USP15: variants seen among roughly 807,000 people sequenced by gnomAD.
USP15 encodes the protein ubiquitin specific peptidase 15.
A neutral mutation model predicts 127.1 loss-of-function variants in USP15; 18 were observed. The ratio of observed to expected loss-of-function variants is 0.14; its 90% CI spans 0.10 to 0.21. USP15 has a LOEUF of 0.21. Ranked by LOEUF, USP15 falls within the 10% of genes least tolerant of loss-of-function variation. The pLI is 1.00. For synonymous variants in USP15, 364 were observed against 393.7 expected (o/e 0.92, Z 0.89); for missense variants, 805 against 1,159.9 (o/e 0.69, Z 4.44).
intron 8 of USP15, among the ~76,000 whole-genome samples, chr12:62,370,947 A>G (rs2066645325): frequency 6.6e-6 from 1 of 152,330 alleles, no homozygotes; most frequent in East Asian, 1.9e-4. Flanking sequence ...AGTCCTGTTC[A>G]TTCTACTTCT....
intron 11 of USP15, among the ~76,000 whole-genome samples, chr12:62,385,674 A>AT (rs2067126258): frequency 6.6e-6 from 1 of 151,962 alleles, no homozygotes; most frequent in Non-Finnish European, 1.5e-5. Flanking sequence ...ATGTGTTCAC[A>AT]TTTTTAAAGT....
rs965071919 is a variant in USP15 at position 62,406,403 on chromosome 12, A to C, written c.*2028A>C. The C allele has an allele frequency of 6.6e-6, 1 of 152,194 alleles. No individual in the cohort carries two copies. The highest frequency in any genetic ancestry group is 2.4e-5 in the African/African-American group (1 of 41,458). 9.4% of individuals were successfully genotyped at this position (152,194 alleles called of 1,614,324 possible). A position where few individuals can be genotyped will look rare whatever the true frequency, so the allele number is the denominator to read the frequency against. On this transcript the variant is annotated 3_prime_UTR_variant, in exon 22 of 22. Transcript: ENST00000280377. ...TCACAGAGCTTACATTCTTTCTGCC[A>C]TCTACCAACTAATGAACTATATTTC...
chr12:62,301,674 C>G (rs924552290), intron 2 of USP15, among the ~76,000 whole-genome samples: 1 of 152,120 alleles, frequency 6.6e-6, no homozygotes, highest in Non-Finnish European at 1.5e-5. Context: ...ATGTACAAGT[C>G]TAGAAAATGC....
chr12:62,375,599 A>G (rs1334984654), intron 8 of USP15, among the ~76,000 whole-genome samples: 1 of 152,174 alleles, frequency 6.6e-6, no homozygotes, highest in Non-Finnish European at 1.5e-5. Context: ...CTTGATACAC[A>G]GAGGAAGATA....
rs1189976097 is a variant in USP15, at chr12:62,401,191, T to A, written c.2679T>A (p.Thr893=). Residue 893 remains threonine (T), a synonymous_variant, in exon 21 of 22, where the codon ACT becomes ACA. Coordinates refer to ENST00000280377, the MANE Select transcript of USP15 (RefSeq NM_001252078.2). ...HYGGMGGGHY[T]AFAKNKDDGK... is the part of the protein sequence containing the mutation. ...TGATTATATTTTTTTCATTAGATAC[T>A]GCTTTTGCAAAAAATAAAGATGATG... 1 of 1,610,176 alleles carries A rather than the reference T, an allele frequency of 6.2e-7. No individual in the cohort carries two copies. Among genetic ancestry groups the A allele is most frequent in the Non-Finnish European group, 8.5e-7 (1 of 1,177,874 alleles).
chr12:62,282,481 C>A (rs1282511570), intron 1 of USP15, among the ~76,000 whole-genome samples: 4 of 152,028 alleles, frequency 2.6e-5, no homozygotes, highest in Admixed American at 2.6e-4. Flanking sequence ...CTGTACTTAC[C>A]CTTTTTGTAA....
At chr12:62,333,655 A>C (rs1457541149) in intron 6 of USP15, among the ~76,000 whole-genome samples, 1 of 151,930 alleles carries the variant, frequency 6.6e-6, no homozygotes, top group East Asian at 1.9e-4. Flanking sequence ...TTATGTTGTT[A>C]TTCTCATTAA....
In USP15 at chr12:62,407,247, A is replaced by G. The variant is rs1181271320; in HGVS notation, c.*2872A>G. 5 of 152,214 alleles carry G rather than the reference A, an allele frequency of 3.3e-5. No individual in the cohort carries two copies. Among genetic ancestry groups the G allele is most frequent in the Non-Finnish European group, 7.3e-5 (5 of 68,032 alleles). 9.4% of individuals were successfully genotyped at this position (152,214 alleles called of 1,614,324 possible). The stretch of plus-strand genomic sequence containing the variant: ...TCCCCATTTTTCATATGAAGAAACC[A>G]AGATACAAAGCATTTAAGTAATATT... On this transcript the variant is annotated 3_prime_UTR_variant, in exon 22 of 22. Coordinates refer to ENST00000280377, the MANE Select transcript of USP15 (RefSeq NM_001252078.2).
At chr12:62,265,182 T>G (rs1204344168) in intron 1 of USP15, among the ~76,000 whole-genome samples, 1 of 152,224 alleles carries the variant, frequency 6.6e-6, no homozygotes, top group Non-Finnish European at 1.5e-5. Context: ...TTTCCTAAAT[T>G]ATACCATTTT....
Position 62,409,691 on chromosome 12 carries a change from A to G in USP15, c.*5316A>G, listed in dbSNP as rs1263660811. The G allele has an allele frequency of 6.6e-6, 1 of 152,128 alleles. No homozygotes were observed. The highest frequency in any genetic ancestry group is 1.5e-5 in the Non-Finnish European group (1 of 67,994). The allele number at this position is 152,128 out of a possible 1,614,324, so 9.4% of individuals were successfully genotyped here. On this transcript the variant is annotated 3_prime_UTR_variant, in exon 22 of 22. Transcript: ENST00000280377. ...GCTGGAGTTAAATCTACATACATAA[A>G]AGTAAAACAATAAATATGGAAACAT... is the stretch of plus-strand genomic sequence containing the variant.
intron 11 of USP15, among the ~76,000 whole-genome samples, chr12:62,386,170 T>G (rs1037752954): frequency 2.0e-5 from 3 of 150,134 alleles, no homozygotes; most frequent in African/African-American, 7.3e-5. Context: ...TGTTTTGTGT[T>G]TTTTTTTTTT....
intron 6 of USP15, among the ~76,000 whole-genome samples, chr12:62,345,901 T>C (rs992744433): frequency 6.6e-6 from 1 of 152,140 alleles, no homozygotes; most frequent in Non-Finnish European, 1.5e-5. Flanking sequence ...AAGAACTGCA[T>C]GGGAAAGACC....
chr12:62,384,327 G>GT (rs58138194), intron 11 of USP15, 25 bp downstream of exon 11: 1,451 of 1,055,510 alleles, frequency 1.4e-3, no homozygotes, highest in South Asian at 1.9e-3. Context: ...GGTTTGTTTT[G>GT]TTTTTTTTTT....
At chr12:62,291,240 C>T (rs1461451241) in intron 1 of USP15, among the ~76,000 whole-genome samples, 2 of 152,106 alleles carry the variant, frequency 1.3e-5, no homozygotes, top group African/African-American at 4.8e-5. Flanking sequence ...TTGTAGTCTC[C>T]TACTTCTCAA....
chr12:62,370,513 A>G (rs562787521), intron 8 of USP15, among the ~76,000 whole-genome samples: 1 of 152,334 alleles, frequency 6.6e-6, no homozygotes, highest in Non-Finnish European at 1.5e-5. Context: ...GACCTTGGAT[A>G]AGAAACTTCG....
intron 4 of USP15, among the ~76,000 whole-genome samples, chr12:62,319,837 AGTATTTTTG>A (rs1340861678): frequency 6.6e-6 from 1 of 152,228 alleles, no homozygotes; most frequent in Non-Finnish European, 1.5e-5. Context: ...TATATTTGTC[AGTATTTTTG>A]GTATTTTTGC....
intron 1 of USP15, among the ~76,000 whole-genome samples, chr12:62,275,363 G>A (rs558393327): frequency 2.0e-4 from 30 of 151,020 alleles, no homozygotes; most frequent in Admixed American, 1.2e-3. Flanking sequence ...CAAAAGAGAA[G>A]GTTGTAAAAA....
Position 62,290,329 on chromosome 12 carries a change from G to A in USP15, c.90-3850G>A, listed in dbSNP as rs544416749. ...GTTGGGTACATATATATTTAGGATTGTTATGTCTTTCTATTGAATTGATCC... is the reference window on the plus strand; with the variant it reads ...GTTGGGTACATATATATTTAGGATTATTATGTCTTTCTATTGAATTGATCC... On this transcript the variant is annotated intron_variant, in intron 1 of 21. Coordinates refer to ENST00000280377, the MANE Select transcript of USP15 (RefSeq NM_001252078.2). 1.2e-4 allele frequency among the ~76,000 whole-genome samples: 18 copies of A among 152,160 alleles called. 1 individual carries two copies. Among genetic ancestry groups the A allele is most frequent in the East Asian group, 1.9e-4 (1 of 5,184 alleles).
intron 8 of USP15, among the ~76,000 whole-genome samples, chr12:62,356,206 T>C (rs1180208946): frequency 6.6e-6 from 1 of 151,896 alleles, no homozygotes; most frequent in Non-Finnish European, 1.5e-5. Flanking sequence ...TTAACCTTTT[T>C]TTCGTCAGTC....
Sources: allele counts gnomAD v4.1 joint callset (sites outside exome capture counted in the v4.1 genomes callset), GRCh38; gene constraint gnomAD v4.1.1; transcripts MANE v1.5; gene names NCBI Gene and HGNC (gene_info 2026-07-23, HGNC 2026-07-21).